THRB: variants seen among roughly 807,000 people sequenced by gnomAD.
THRB encodes thyroid hormone receptor beta.
THRB carries 12 observed loss-of-function variants against 47.8 expected under a neutral mutation model. The ratio of observed to expected loss-of-function variants is 0.25; its 90% CI spans 0.16 to 0.41. The LOEUF is 0.41. Ranked by LOEUF, THRB falls within the 10% of genes least tolerant of loss-of-function variation. The pLI, the probability that THRB is intolerant of heterozygous loss-of-function variation, is 1.00. For missense variants in THRB, 348 were observed against 589.2 expected, an observed-to-expected ratio of 0.59 and a Z score of 4.24; for synonymous variants, 218 against 212.2, an observed-to-expected ratio of 1.03 and a Z score of -0.24.
At chr3:24,129,034 G>A (rs2033400171) in intron 9 of THRB, among the ~76,000 whole-genome samples, 1 of 152,012 alleles carries the variant, frequency 6.6e-6, no homozygotes, top group Non-Finnish European at 1.5e-5. Flanking sequence ...TTATATAAAA[G>A]TAATACAACT....
chr3:24,448,956 A>G (rs59785554), intron 1 of THRB, among the ~76,000 whole-genome samples: 8,082 of 152,248 alleles, frequency 0.053, 292 homozygotes, highest in African/African-American at 0.1. Flanking sequence ...AATGGCAAAC[A>G]AAACAGCCAA....
At chr3:24,434,562 T>C (rs1334084162) in intron 1 of THRB, among the ~76,000 whole-genome samples, 2 of 152,200 alleles carry the variant, frequency 1.3e-5, no homozygotes, top group Non-Finnish European at 2.9e-5. Flanking sequence ...TAAATTATTC[T>C]TTAAATGCAA....
intron 3 of THRB, among the ~76,000 whole-genome samples, chr3:24,275,819 T>C (rs1298885407): frequency 6.6e-6 from 1 of 152,212 alleles, no homozygotes; most frequent in Non-Finnish European, 1.5e-5. Context: ...CATGAAAGAC[T>C]GGGCTATGCC....
rs143443995 is a variant in THRB at position 24,307,777 on chromosome 3, A to G, written c.-188-10406T>C. Among the ~76,000 whole-genome samples, 227 of 152,370 alleles carry G rather than the reference A, an allele frequency of 1.5e-3. 5 individuals carry two copies. The East Asian group carries it at 0.033, about 22-fold the overall frequency. ...AACCATTTGCTTAAAGGGTCCTTCAAGAATTTCCCTGTGACTTTGCTCTGT... is the reference window on the plus strand; with the variant it reads ...AACCATTTGCTTAAAGGGTCCTTCAGGAATTTCCCTGTGACTTTGCTCTGT... On this transcript the variant is annotated intron_variant, in intron 2 of 10. Coordinates refer to ENST00000646209, the MANE Select transcript of THRB (RefSeq NM_001354712.2).
chr3:24,339,151 C>A (rs545604123), intron 1 of THRB, among the ~76,000 whole-genome samples: 43 of 152,070 alleles, frequency 2.8e-4, no homozygotes, highest in African/African-American at 1.0e-3. Context: ...ATTTTGGATG[C>A]AAAAATTGGA....
chr3:24,233,456 C>CA (rs1438851299), intron 3 of THRB, among the ~76,000 whole-genome samples: 4 of 112,454 alleles, frequency 3.6e-5, no homozygotes, highest in Non-Finnish European at 3.6e-5. Context: ...GACCCTGTCT[C>CA]AAAAAAAAGG....
intron 5 of THRB, among the ~76,000 whole-genome samples, chr3:24,158,949 TAGAA>T (rs891797841): frequency 6.6e-6 from 1 of 151,938 alleles, no homozygotes; most frequent in African/African-American, 2.4e-5. Flanking sequence ...CGGCATGAAT[TAGAA>T]AGCAGGAAGG....
At chr3:24,228,635 AG>A (rs375205073) in intron 4 of THRB, among the ~76,000 whole-genome samples, 22,703 of 130,962 alleles carry the variant, frequency 0.17, 2,278 homozygotes, top group Non-Finnish European at 0.24. Context: ...CATGTCTCAA[AG>A]AAAAAAAAAA....
At chr3:24,338,484 C>T (rs766828896) in intron 1 of THRB, among the ~76,000 whole-genome samples, 5 of 152,202 alleles carry the variant, frequency 3.3e-5, no homozygotes, top group East Asian at 3.8e-4. Context: ...GCTTGAACCA[C>T]GCTAATCTAT....
At chr3:24,238,276 TGTGGG>T (rs796726863) in intron 3 of THRB, among the ~76,000 whole-genome samples, 154 of 19,390 alleles carry the variant, frequency 7.9e-3, no homozygotes, top group African/African-American at 0.017. Flanking sequence ...TGTGTGTGTG[TGTGGG>T]GGGGGGGGGG....
chr3:24,218,988 C>T (rs367696021), intron 4 of THRB, among the ~76,000 whole-genome samples: 4 of 152,152 alleles, frequency 2.6e-5, no homozygotes, highest in Non-Finnish European at 5.9e-5. Flanking sequence ...ATTCTAAGCT[C>T]GGGCGTGGTG....
At chr3:24,190,459 G>A (rs2043191362) in intron 4 of THRB, 125 bp from the exon 5 acceptor site, 4 of 1,204,668 alleles carry the variant, frequency 3.3e-6, no homozygotes, top group Non-Finnish European at 4.9e-6. Flanking sequence ...CATGCCACTT[G>A]ACGGGAGTGA....
At chr3:24,328,960 T>A (rs2149358464) in intron 2 of THRB, among the ~76,000 whole-genome samples, 1 of 152,254 alleles carries the variant, frequency 6.6e-6, no homozygotes, top group South Asian at 2.1e-4. Context: ...TTTTTTTTTC[T>A]TTTTGAGACA....
At chr3:24,402,442 G>A (rs902571987) in intron 1 of THRB, among the ~76,000 whole-genome samples, 1 of 148,450 alleles carries the variant, frequency 6.7e-6, no homozygotes, top group African/African-American at 2.5e-5. Flanking sequence ...TTTTTGGTCT[G>A]ATTTGACACT....
At chr3:24,152,999 A>C (rs947719527) in intron 5 of THRB, among the ~76,000 whole-genome samples, 2 of 140,732 alleles carry the variant, frequency 1.4e-5, no homozygotes, top group Non-Finnish European at 1.6e-5. Flanking sequence ...AGAAAGAAAG[A>C]AAGAAAGATA....
At chr3:24,174,581 A>C (rs2040884726) in intron 5 of THRB, among the ~76,000 whole-genome samples, 1 of 152,216 alleles carries the variant, frequency 6.6e-6, no homozygotes. Context: ...TTTTAAGATA[A>C]AGCTTAAAGA....
chr3:24,253,614 C>T (rs7649876), intron 3 of THRB, among the ~76,000 whole-genome samples: 2,474 of 152,264 alleles, frequency 0.016, 58 homozygotes, highest in African/African-American at 0.055. Context: ...TGCTCCAGGA[C>T]GGAATTGTCA....
At chr3:24,174,288 G>C (rs1265374274) in intron 5 of THRB, among the ~76,000 whole-genome samples, 3 of 152,236 alleles carry the variant, frequency 2.0e-5, no homozygotes, top group Admixed American at 1.3e-4. Context: ...TTACATACTT[G>C]GACTTTTCGT....
At chr3:24,365,916 T>C (rs959186062) in intron 1 of THRB, among the ~76,000 whole-genome samples, 2 of 152,136 alleles carry the variant, frequency 1.3e-5, no homozygotes, top group African/African-American at 4.8e-5. Context: ...AAAAGAAAAT[T>C]CAAGTAACTT....
Sources: allele counts gnomAD v4.1 joint callset (sites outside exome capture counted in the v4.1 genomes callset), GRCh38; gene constraint gnomAD v4.1.1; transcripts MANE v1.5; gene names NCBI Gene and HGNC (gene_info 2026-07-23, HGNC 2026-07-21).